PIK3R3: variants seen among roughly 807,000 people sequenced by gnomAD.
The protein encoded by PIK3R3 is phosphatidylinositol 3-kinase regulatory subunit gamma.
In PIK3R3, 64 loss-of-function variants were observed where a neutral mutation model predicts 62.9. The ratio of observed to expected loss-of-function variants is 1.02; its 90% CI spans 0.83 to 1.25. The LOEUF (loss-of-function observed/expected upper bound fraction) is 1.25. Ranked by LOEUF, PIK3R3 falls within the 50% of genes most tolerant of loss-of-function variation. PIK3R3 has a pLI of 0.00. For synonymous variants in PIK3R3, 165 were observed against 189.0 expected (o/e 0.87, Z 1.04); for missense variants, 614 against 561.6 (o/e 1.09, Z -0.94).
At chr1:46,105,109 A>G in intron 1 of PIK3R3, 2 of 729,098 alleles carry the variant, frequency 2.7e-6, no homozygotes, top group South Asian at 2.8e-5. Context: ...TAGCAACTCA[A>G]ATTGGAATAG....
At chr1:46,102,204 C>G (rs183250064) in intron 1 of PIK3R3, among the ~76,000 whole-genome samples, 2,448 of 151,990 alleles carry the variant, frequency 0.016, 24 homozygotes, top group Non-Finnish European at 0.026. Context: ...CCAGGATGGT[C>G]TCGATCTCCT....
chr1:46,102,187 G>A (rs1285750968), intron 1 of PIK3R3, among the ~76,000 whole-genome samples: 3 of 151,588 alleles, frequency 2.0e-5, no homozygotes, highest in African/African-American at 7.3e-5. Context: ...GGGTTTCACC[G>A]TGTTAGCCAG....
rs113575773 is a variant in PIK3R3 at position 46,043,673 on chromosome 1, T to C, written c.1386A>G (p.Ter462=). 1.9e-6 allele frequency: 3 copies of C among 1,613,970 alleles called. No homozygotes were observed. Among genetic ancestry groups the C allele is most frequent in the African/African-American group, 2.7e-5 (2 of 75,046 alleles). The change falls in exon 10 of 10, where the codon TAA becomes TAG. Residue 462 remains the stop codon, a stop_retained_variant. Coordinates refer to ENST00000262741, the MANE Select transcript of PIK3R3 (RefSeq NM_003629.4). ...AACCACCTCTCTTCCCACTTCCTCTTTATCTGCAAAGCGAGGGCATCTGTG... is the reference window on the plus strand; with the variant it reads ...AACCACCTCTCTTCCCACTTCCTCTCTATCTGCAAAGCGAGGGCATCTGTG... ...VHAQMPSLCR[*] is the part of the protein sequence containing the mutation.
chr1:46,161,913 A>C, the PIK3R3 span, among the ~76,000 whole-genome samples: 1 of 151,754 alleles, frequency 6.6e-6, no homozygotes, highest in Non-Finnish European at 1.5e-5. Context: ...TAACATGGTG[A>C]AACCCTGTCT....
At chr1:46,139,743 GAGTAT>G in the PIK3R3 span, among the ~76,000 whole-genome samples, 302 of 152,308 alleles carry the variant, frequency 2.0e-3, 1 homozygote, top group African/African-American at 6.8e-3. Flanking sequence ...CTCGACTGCT[GAGTAT>G]TAACCTCACA....
chr1:46,152,852 G>A, the PIK3R3 span, among the ~76,000 whole-genome samples: 53 of 152,080 alleles, frequency 3.5e-4, no homozygotes, highest in Non-Finnish European at 6.9e-4. Context: ...ATGAGCCACC[G>A]CGCCCAGCCT....
chr1:46,129,584 C>T (rs752332622), intron 1 of PIK3R3, among the ~76,000 whole-genome samples: 1 of 152,090 alleles, frequency 6.6e-6, no homozygotes, highest in Non-Finnish European at 1.5e-5. Context: ...TACGCTATCA[C>T]AGCAGTCCAG....
At chr1:46,083,942 T>C (rs767835781) in intron 1 of PIK3R3, among the ~76,000 whole-genome samples, 2 of 152,124 alleles carry the variant, frequency 1.3e-5, no homozygotes, top group Non-Finnish European at 2.9e-5. Flanking sequence ...AAAAGAAGCA[T>C]GTATCTACAC....
Position 46,046,613 on chromosome 1 carries a change from G to C in PIK3R3, c.954C>G (p.His318Gln). 1 of 1,612,550 alleles carries C rather than the reference G, an allele frequency of 6.2e-7. No individual in the cohort carries two copies. ...IRDQHLVWLN[H>Q]KGVRQKRLNV... ...TCAGGCGTTTCTGTCTCACTCCTTT[G>C]TGATTGAGCCATCTGCCAGAGGAAA... The change falls in exon 8 of 10, where the codon CAC (histidine) becomes CAG (glutamine). Residue 318 changes from histidine (H) to glutamine (Q), a missense_variant. Coordinates refer to ENST00000262741, the MANE Select transcript of PIK3R3 (RefSeq NM_003629.4).
chr1:46,072,931 C>T (rs985380547), intron 3 of PIK3R3, among the ~76,000 whole-genome samples: 1 of 147,120 alleles, frequency 6.8e-6, no homozygotes, highest in African/African-American at 2.5e-5. Flanking sequence ...AGAGAGAGAC[C>T]CTGTCTCAAA....
chr1:46,101,616 G>A (rs1321603699), intron 1 of PIK3R3, among the ~76,000 whole-genome samples: 3 of 152,196 alleles, frequency 2.0e-5, no homozygotes, highest in African/African-American at 7.2e-5. Flanking sequence ...CCATAAAAAT[G>A]AGTAACGTTC....
chr1:46,071,266 T>TA (rs1039749012), intron 3 of PIK3R3, among the ~76,000 whole-genome samples: 85 of 152,234 alleles, frequency 5.6e-4, no homozygotes, highest in Middle Eastern at 3.4e-3. Context: ...ATTTTATATA[T>TA]TTTTTTCCAT....
Position 46,061,961 on chromosome 1 carries a change from A to C in PIK3R3, c.732T>G (p.Phe244Leu). ...TCTCCTTTTCATTCCCCTCTCTGCG[A>C]AATCGCTCAATATATTCTTTGCTAT... Reference protein sequence around the residue: ...EQHSKEYIERFRREGNEKEIE... With the variant: ...EQHSKEYIERLRREGNEKEIE... The change falls in exon 6 of 10, where the codon TTT becomes TTG. Residue 244 changes from phenylalanine to leucine, a missense_variant. Phe to Leu is a conservative substitution (Grantham distance 22). Transcript: ENST00000262741. 6.2e-7 allele frequency: 1 copy of C among 1,613,612 alleles called. No homozygotes were observed. The highest frequency in any genetic ancestry group is 8.5e-7 in the Non-Finnish European group (1 of 1,179,556).
At chr1:46,124,555 G>A (rs1455779940) in intron 1 of PIK3R3, among the ~76,000 whole-genome samples, 8 of 152,130 alleles carry the variant, frequency 5.3e-5, no homozygotes, top group Non-Finnish European at 1.0e-4. Context: ...CCAGCACTTT[G>A]GGAGGCCGAG....
At chr1:46,126,129 A>T (rs1490722554) in intron 1 of PIK3R3, among the ~76,000 whole-genome samples, 1 of 152,106 alleles carries the variant, frequency 6.6e-6, no homozygotes, top group African/African-American at 2.4e-5. Flanking sequence ...TATCACTAAG[A>T]TACTATTGGC....
At chr1:46,142,205 A>G in the PIK3R3 span, among the ~76,000 whole-genome samples, 2 of 152,160 alleles carry the variant, frequency 1.3e-5, no homozygotes, top group South Asian at 4.1e-4. Context: ...CACCCTCTTC[A>G]GCCTCCTAAA....
chr1:46,042,207 C>T lies in PIK3R3; in HGVS notation c.*1466G>A, dbSNP rs2149368261. On this transcript the variant is annotated 3_prime_UTR_variant, in exon 10 of 10. Coordinates refer to ENST00000262741, the MANE Select transcript of PIK3R3 (RefSeq NM_003629.4). This position sits in a 1 kb window ranked among gnomAD's most constrained non-coding sequence, Gnocchi z 4.3. ...GGGGGCAGGAATAGATGCCTGCCCC[C>T]ACTCCATTTGCCTAGCTTCACTCAG... The T allele has an allele frequency of 4.5e-6, 1 of 224,366 alleles. No individual in the cohort carries two copies. Among genetic ancestry groups the T allele is most frequent in the East Asian group, 6.4e-5 (1 of 15,550 alleles). 13.9% of individuals were successfully genotyped at this position (224,366 alleles called of 1,614,324 possible). A position where few individuals can be genotyped will look rare whatever the true frequency, so the allele number is the denominator to read the frequency against.
At chr1:46,106,302 G>A (rs1329462385) in intron 1 of PIK3R3, among the ~76,000 whole-genome samples, 2 of 152,006 alleles carry the variant, frequency 1.3e-5, no homozygotes, top group Admixed American at 1.3e-4. Flanking sequence ...ACAAGTTTTC[G>A]GTATGTTGCC....
chr1:46,071,759 A>AGC (rs1553148112), intron 3 of PIK3R3, among the ~76,000 whole-genome samples: 1,648 of 98,708 alleles, frequency 0.017, 18 homozygotes, highest in Non-Finnish European at 0.025. Context: ...AGAGAGAGAG[A>AGC]GCGCGCGCCT....
Sources: gnomAD v4.1 joint callset for allele counts (sites outside exome capture counted in the v4.1 genomes callset) on GRCh38, gnomAD v4.1.1 for gene constraint, Gnocchi (gnomAD v3.1) non-coding constraint, MANE v1.5 for transcripts, NCBI Gene and HGNC (gene_info 2026-07-23, HGNC 2026-07-21) for gene names.